Variants in CACNA1D observed in about 807,000 individuals in gnomAD.
CACNA1D encodes voltage-dependent L-type calcium channel subunit alpha-1D.
Under a neutral mutation model 257.1 loss-of-function variants are expected in CACNA1D, and 55 were observed. The observed-to-expected ratio is 0.21, with a 90% CI of 0.17 to 0.27. CACNA1D has a LOEUF of 0.27. CACNA1D is among the 10% of genes least tolerant of loss of function. The pLI, the probability that CACNA1D is intolerant of heterozygous loss-of-function variation, is 1.00. For synonymous variants in CACNA1D, 980 were observed against 1,014.9 expected (o/e 0.97, Z 0.65); for missense variants, 1,876 against 2,784.0 (o/e 0.67, Z 7.34).
Position 53,673,085 on chromosome 3 carries a change from G to T in CACNA1D, c.1179G>T (p.Gly393=). Reference sequence around the variant, plus strand: ...ATTTTGTCAGTCTCGTCATCTTTGGGTCATTTTTCGTACTAAATCTTGTAC... The same window carrying T: ...ATTTTGTCAGTCTCGTCATCTTTGGTTCATTTTTCGTACTAAATCTTGTAC... ...WVYFVSLVIF[G]SFFVLNLVLG... is the part of the protein sequence containing the mutation. The change falls in exon 8 of 48, where the codon GGG becomes GGT. Residue 393 remains glycine, a synonymous_variant. Transcript: ENST00000350061. The surrounding 1 kb of genome is among the most constrained non-coding windows in gnomAD (Gnocchi z 4.1). 1 of 1,552,144 alleles carries T rather than the reference G, an allele frequency of 6.4e-7. No individual in the cohort carries two copies. The highest frequency in any genetic ancestry group is 8.7e-7 in the Non-Finnish European group (1 of 1,147,166).
chr3:53,572,831 C>T (rs182321984), intron 3 of CACNA1D, among the ~76,000 whole-genome samples: 4 of 152,286 alleles, frequency 2.6e-5, no homozygotes, highest in Admixed American at 2.0e-4. Context: ...CTTTTAAAAA[C>T]AAAGCTGAGC....
chr3:53,580,429 G>T lies in CACNA1D; in HGVS notation c.484-70350G>T, dbSNP rs112299901. Among the ~76,000 whole-genome samples, 1,105 of 152,370 alleles carry T rather than the reference G, an allele frequency of 7.3e-3. 14 individuals are homozygous for T. The highest frequency in any genetic ancestry group is 0.025 in the African/African-American group (1,056 of 41,586). ...CGAATAGAGAAAGTGCCTGGCAGATGCTTGGCCATCTCCTCTGCATCTCCC... is the reference window on the plus strand; with the variant it reads ...CGAATAGAGAAAGTGCCTGGCAGATTCTTGGCCATCTCCTCTGCATCTCCC... On this transcript the variant is annotated intron_variant, in intron 3 of 47. Coordinates refer to ENST00000350061, the MANE Select transcript of CACNA1D (RefSeq NM_001128840.3).
At position 53,497,481 on chromosome 3, in the gene CACNA1D, A is replaced by T. The variant is rs1403641009; in HGVS notation, c.377+20A>T. On this transcript the variant is annotated intron_variant, in intron 2 of 47. Coordinates refer to ENST00000350061, the MANE Select transcript of CACNA1D (RefSeq NM_001128840.3). ...ATGGAAGTATCCTTTTTTTGGGGGA[A>T]GTCTTTCTCATTTTCTCTTTTACCA... 6.2e-7 allele frequency: 1 copy of T among 1,610,016 alleles called. No homozygotes were observed. The highest frequency in any genetic ancestry group is 8.5e-7 in the Non-Finnish European group (1 of 1,176,466).
intron 3 of CACNA1D, among the ~76,000 whole-genome samples, chr3:53,515,366 G>A (rs773656418): frequency 4.6e-5 from 7 of 152,164 alleles, no homozygotes; most frequent in Non-Finnish European, 7.4e-5. Context: ...CCCGATGGTC[G>A]TGCAGTTCCT....
At chr3:53,689,188 TAAAG>T (rs777649306) in intron 8 of CACNA1D, among the ~76,000 whole-genome samples, 5 of 152,104 alleles carry the variant, frequency 3.3e-5, no homozygotes, top group Middle Eastern at 3.4e-3. Context: ...GTTAGGATGG[TAAAG>T]AAAGGAAGCA....
chr3:53,809,832 G>T lies in CACNA1D; in HGVS notation c.5872-146G>T, dbSNP rs1014802160. On this transcript the variant is annotated intron_variant, in intron 46 of 47. Transcript: ENST00000350061. ...AGTCATCACCGCCCATTCATTCAGC[G>T]TACTTCAGTGTGCCCATGTCCTTTC... 7.9e-6 allele frequency: 6 copies of T among 756,826 alleles called. No individual in the cohort carries two copies. In the Admixed American group the frequency reaches 9.3e-5, roughly 12 times the overall value. The allele number at this position is 756,826 out of a possible 1,614,324, so 46.9% of individuals were successfully genotyped here.
intron 8 of CACNA1D, among the ~76,000 whole-genome samples, chr3:53,677,321 C>T (rs1185729922): frequency 2.0e-5 from 3 of 152,186 alleles, no homozygotes; most frequent in Non-Finnish European, 4.4e-5. Flanking sequence ...GCTGGAGTCC[C>T]GCGTTCACTC....
chr3:53,788,885 C>A (rs987613368), intron 40 of CACNA1D, among the ~76,000 whole-genome samples: 8 of 152,128 alleles, frequency 5.3e-5, no homozygotes, highest in African/African-American at 1.9e-4. Context: ...GATGCAGGGT[C>A]ATTTATACTT....
At chr3:53,569,598 G>A (rs969152051) in intron 3 of CACNA1D, among the ~76,000 whole-genome samples, 4 of 152,190 alleles carry the variant, frequency 2.6e-5, no homozygotes, top group African/African-American at 9.6e-5. Context: ...GTATTAGGGT[G>A]CCCTAGCCTT....
intron 3 of CACNA1D, among the ~76,000 whole-genome samples, chr3:53,525,524 G>T (rs893902463): frequency 5.3e-5 from 8 of 152,204 alleles, no homozygotes; most frequent in Non-Finnish European, 1.0e-4. Flanking sequence ...AGTAGGGGAG[G>T]TGGGCAGTAC....
chr3:53,805,283 A>G, intron 45 of CACNA1D, 137 bp downstream of exon 45: 2 of 777,844 alleles, frequency 2.6e-6, no homozygotes, highest in Admixed American at 3.9e-5. Context: ...GCCCCCAGCC[A>G]GAGAGTGTGT....
intron 47 of CACNA1D, 49 bp downstream of exon 47, chr3:53,810,347 G>C (rs1248193952): frequency 6.4e-7 from 1 of 1,571,688 alleles, no homozygotes; most frequent in Non-Finnish European, 8.8e-7. Flanking sequence ...AGGAGCAGCA[G>C]AGGTGCAACT....
intron 8 of CACNA1D, among the ~76,000 whole-genome samples, chr3:53,695,040 C>G (rs941540672): frequency 9.2e-5 from 14 of 152,340 alleles, no homozygotes; most frequent in African/African-American, 3.4e-4. Context: ...CTCGTGAACT[C>G]ACTCAGCACT....
At chr3:53,698,787 A>G (rs888144108) in intron 8 of CACNA1D, among the ~76,000 whole-genome samples, 1 of 149,492 alleles carries the variant, frequency 6.7e-6, no homozygotes, top group African/African-American at 2.5e-5. Context: ...TCGTGTGTAA[A>G]GGGTAGCACA....
intron 3 of CACNA1D, among the ~76,000 whole-genome samples, chr3:53,520,890 C>CTTTTCTTTTCT (rs1553713090): frequency 1.7e-5 from 2 of 120,558 alleles, no homozygotes; most frequent in Non-Finnish European, 3.6e-5. Context: ...TTCTTTCTTT[C>CTTTTCTTTTCT]TTTCTTTTCT....
chr3:53,650,645 C>T, intron 3 of CACNA1D, 134 bp from the exon 4 acceptor site: 1 of 925,932 alleles, frequency 1.1e-6, no homozygotes, highest in African/African-American at 1.6e-5. Context: ...TGTTCCATTT[C>T]TCATAATGAA....
chr3:53,706,991 A>C (rs1052348787), intron 9 of CACNA1D, among the ~76,000 whole-genome samples: 1 of 152,106 alleles, frequency 6.6e-6, no homozygotes, highest in Non-Finnish European at 1.5e-5. Flanking sequence ...GAAACTATAA[A>C]GTTCTGAAGT....
intron 3 of CACNA1D, among the ~76,000 whole-genome samples, chr3:53,610,611 C>T (rs527515638): frequency 4.6e-5 from 7 of 152,312 alleles, no homozygotes; most frequent in Non-Finnish European, 8.8e-5. Flanking sequence ...ACTCTGTCTT[C>T]CAGTTGAAGT....
chr3:53,710,397 G>A (rs1400129329), intron 9 of CACNA1D: 2 of 456,564 alleles, frequency 4.4e-6, no homozygotes, highest in African/African-American at 4.0e-5. Context: ...ACCTGAAGGG[G>A]TCACAGTGGC....
Sources: allele counts gnomAD v4.1 joint callset (sites outside exome capture counted in the v4.1 genomes callset), GRCh38; gene constraint gnomAD v4.1.1; non-coding constraint Gnocchi (gnomAD v3.1); transcripts MANE v1.5; gene names NCBI Gene and HGNC (gene_info 2026-07-23, HGNC 2026-07-21).